ADGRL3: variants seen among roughly 807,000 people sequenced by gnomAD.
ADGRL3 encodes the protein calcium-independent alpha-latrotoxin receptor 3.
ADGRL3 carries 62 observed loss-of-function variants against 153.5 expected under a neutral mutation model. The observed-to-expected ratio is 0.40, with a 90% CI of 0.33 to 0.50. The LOEUF is 0.50. Ranked by LOEUF, ADGRL3 falls within the 20% of genes least tolerant of loss-of-function variation. ADGRL3 has a pLI of 0.47. For missense variants in ADGRL3, 1,641 were observed against 1,859.4 expected (o/e 0.88, Z 2.16); for synonymous variants, 710 against 672.5 (o/e 1.06, Z -0.86).
Position 61,787,240 on chromosome 4 carries a change from A to G in ADGRL3, c.1400-26569A>G, listed in dbSNP as rs374465906. On this transcript the variant is annotated intron_variant, in intron 8 of 26. Transcript: ENST00000683033. ...TAAGATGAATTATTGTTTTTCACTAATTGCATATGCTATCCAGACATTATT... is the reference window on the plus strand; with the variant it reads ...TAAGATGAATTATTGTTTTTCACTAGTTGCATATGCTATCCAGACATTATT... 4.6e-5 allele frequency among the ~76,000 whole-genome samples: 7 copies of G among 152,230 alleles called. 1 individual carries two copies. Among genetic ancestry groups the G allele is most frequent in the South Asian group, 2.1e-4 (1 of 4,830 alleles).
intron 2 of ADGRL3, among the ~76,000 whole-genome samples, chr4:61,418,626 C>T (rs559196451): frequency 2.1e-4 from 31 of 150,826 alleles, no homozygotes; most frequent in South Asian, 1.3e-3. Context: ...AGGAAAACAA[C>T]GCACTGAATT....
chr4:62,059,567 T>G (rs2151844631), intron 25 of ADGRL3, among the ~76,000 whole-genome samples: 1 of 152,246 alleles, frequency 6.6e-6, no homozygotes, highest in South Asian at 2.1e-4. Flanking sequence ...TGCATTTTCC[T>G]TAAGAGTTTT....
chr4:61,289,247 G>A (rs2094072851), intron 1 of ADGRL3, among the ~76,000 whole-genome samples: 1 of 151,896 alleles, frequency 6.6e-6, no homozygotes, highest in African/African-American at 2.4e-5. Flanking sequence ...TGTAAGAGAT[G>A]CTAGATATAT....
At chr4:61,568,262 C>A (rs542324640) in intron 4 of ADGRL3, among the ~76,000 whole-genome samples, 39 of 152,172 alleles carry the variant, frequency 2.6e-4, no homozygotes, top group African/African-American at 9.4e-4. Context: ...AAGACATGCC[C>A]AAACAAACAA....
At chr4:61,544,046 G>A (rs567981242) in intron 4 of ADGRL3, among the ~76,000 whole-genome samples, 34 of 152,244 alleles carry the variant, frequency 2.2e-4, no homozygotes, top group African/African-American at 7.2e-4. Context: ...TAAAAACAAC[G>A]TGACAAGCGT....
intron 1 of ADGRL3, among the ~76,000 whole-genome samples, chr4:61,328,299 T>C (rs2095503582): frequency 2.0e-5 from 3 of 152,074 alleles, no homozygotes; most frequent in Admixed American, 2.0e-4. Flanking sequence ...GCTTTTAGGG[T>C]TCTGGATGAT....
At chr4:61,304,504 T>C (rs2094700580) in intron 1 of ADGRL3, among the ~76,000 whole-genome samples, 1 of 152,236 alleles carries the variant, frequency 6.6e-6, no homozygotes, top group Non-Finnish European at 1.5e-5. Context: ...TTGTACTTTA[T>C]GCATTCTTAC....
intron 13 of ADGRL3, among the ~76,000 whole-genome samples, chr4:61,917,345 ATC>A (rs1450549970): frequency 6.6e-6 from 1 of 152,116 alleles, no homozygotes; most frequent in African/African-American, 2.4e-5. Context: ...ATTTTTTTCA[ATC>A]TCTTTTTTGA....
At chr4:61,612,632 C>A (rs1043182959) in intron 5 of ADGRL3, among the ~76,000 whole-genome samples, 1 of 152,094 alleles carries the variant, frequency 6.6e-6, no homozygotes, top group African/African-American at 2.4e-5. Context: ...TTTAAAAAAC[C>A]TAAAATGCAA....
intron 7 of ADGRL3, among the ~76,000 whole-genome samples, chr4:61,731,875 T>G (rs996075300): frequency 6.6e-6 from 1 of 152,146 alleles, no homozygotes; most frequent in Non-Finnish European, 1.5e-5. Flanking sequence ...CATGATATGC[T>G]ACTGAATCAT....
chr4:62,004,111 G>A (rs183514815), intron 21 of ADGRL3, among the ~76,000 whole-genome samples: 77 of 152,052 alleles, frequency 5.1e-4, no homozygotes, highest in African/African-American at 1.8e-3. Flanking sequence ...AGTATTTTGT[G>A]GTTGAGGTCT....
chr4:61,822,610 T>C (rs976437583), intron 9 of ADGRL3, among the ~76,000 whole-genome samples: 1 of 152,128 alleles, frequency 6.6e-6, no homozygotes, highest in Non-Finnish European at 1.5e-5. Context: ...CAATTATAGG[T>C]TTTTGTTTAA....
intron 9 of ADGRL3, among the ~76,000 whole-genome samples, chr4:61,864,183 C>T: frequency 6.6e-6 from 1 of 152,170 alleles, no homozygotes; most frequent in East Asian, 1.9e-4. Flanking sequence ...GTTTTAAAAG[C>T]TGGTAATAAT....
chr4:61,514,459 T>G (rs1441639290), intron 3 of ADGRL3, among the ~76,000 whole-genome samples: 1 of 152,220 alleles, frequency 6.6e-6, no homozygotes, highest in Non-Finnish European at 1.5e-5. Context: ...TATTTATAAT[T>G]CAAATAAATA....
chr4:61,989,927 C>T (rs2099098027), intron 19 of ADGRL3, among the ~76,000 whole-genome samples: 1 of 151,970 alleles, frequency 6.6e-6, no homozygotes, highest in African/African-American at 2.4e-5. Flanking sequence ...AATGAGAACC[C>T]TCATATATTG....
At chr4:61,700,845 G>A (rs1454768142) in intron 6 of ADGRL3, among the ~76,000 whole-genome samples, 2 of 152,222 alleles carry the variant, frequency 1.3e-5, no homozygotes, top group African/African-American at 4.8e-5. Context: ...GATCAAGAAT[G>A]AGCTAGGGAG....
At chr4:61,890,758 C>T (rs867264690) in intron 9 of ADGRL3, among the ~76,000 whole-genome samples, 10 of 152,242 alleles carry the variant, frequency 6.6e-5, no homozygotes, top group Middle Eastern at 3.4e-3. Flanking sequence ...GCATTCCCCA[C>T]GTAGTATGAT....
chr4:61,693,822 C>G (rs2095584135), intron 6 of ADGRL3, among the ~76,000 whole-genome samples: 1 of 152,118 alleles, frequency 6.6e-6, no homozygotes, highest in Non-Finnish European at 1.5e-5. Flanking sequence ...TTGGTAAAGA[C>G]TATCTACAGT....
intron 8 of ADGRL3, among the ~76,000 whole-genome samples, chr4:61,789,277 CTGTG>C (rs147159756): frequency 3.4e-5 from 5 of 149,134 alleles, no homozygotes; most frequent in East Asian, 3.9e-4. Context: ...CTCTCTGTCT[CTGTG>C]TGTGTGTGTG....
Sources: gnomAD v4.1 joint callset for allele counts (sites outside exome capture counted in the v4.1 genomes callset) on GRCh38, gnomAD v4.1.1 for gene constraint, MANE v1.5 for transcripts, NCBI Gene and HGNC (gene_info 2026-07-23, HGNC 2026-07-21) for gene names.